UBE2R2: variants seen among roughly 807,000 people sequenced by gnomAD.
UBE2R2 encodes the protein ubiquitin-conjugating enzyme E2 R2.
A neutral mutation model predicts 27.8 loss-of-function variants in UBE2R2; 1 was observed. That is an observed-to-expected ratio of 0.04 (90% CI 0.01 to 0.17). The LOEUF is 0.17. Ranked by LOEUF, UBE2R2 falls within the 10% of genes least tolerant of loss-of-function variation. The pLI is 1.00. For synonymous variants in UBE2R2, 106 were observed against 113.3 expected (o/e 0.94, Z 0.41); for missense variants, 100 against 291.0 (o/e 0.34, Z 4.78).
chr9:33,864,747 A>AG (rs1821322359), intron 1 of UBE2R2, among the ~76,000 whole-genome samples: 1 of 146,212 alleles, frequency 6.8e-6, no homozygotes, highest in African/African-American at 2.5e-5. Context: ...TTTTTGAGAC[A>AG]GAGTTTCACT....
Position 33,917,256 on chromosome 9 carries a change from C to G in UBE2R2, c.*19C>G. Reference sequence around the variant, plus strand: ...GTCGTGACGTGCTCCTTCAGTGCCCCTGTACTGCCCTGCCATCTCAGGCCA... The same window carrying G: ...GTCGTGACGTGCTCCTTCAGTGCCCGTGTACTGCCCTGCCATCTCAGGCCA... On this transcript the variant is annotated 3_prime_UTR_variant, in exon 5 of 5. Transcript: ENST00000263228. The G allele has an allele frequency of 6.2e-7, 1 of 1,612,602 alleles. No homozygotes were observed. The highest frequency in any genetic ancestry group is 1.1e-5 in the South Asian group (1 of 91,042).
intron 1 of UBE2R2, among the ~76,000 whole-genome samples, chr9:33,843,042 CTTTTTTTTTT>C (rs71506139): frequency 1.9e-5 from 2 of 105,314 alleles, no homozygotes; most frequent in Non-Finnish European, 3.5e-5. Flanking sequence ...AAACAGACCA[CTTTTTTTTTT>C]TTTTTTTTTT....
At chr9:33,905,134 GT>G (rs1286591028) in intron 3 of UBE2R2, among the ~76,000 whole-genome samples, 1 of 152,132 alleles carries the variant, frequency 6.6e-6, no homozygotes, top group African/African-American at 2.4e-5. Flanking sequence ...AGTGGTCTTG[GT>G]GTGGATTTGC....
In UBE2R2 at chr9:33,817,679, G is replaced by A; in HGVS notation, c.-79G>A. 3 of 1,211,226 alleles carry A rather than the reference G, an allele frequency of 2.5e-6. No individual in the cohort carries two copies. The highest frequency in any genetic ancestry group is 3.1e-6 in the Non-Finnish European group (3 of 974,314). The allele number at this position is 1,211,226 out of a possible 1,614,324, so 75.0% of individuals were successfully genotyped here. ...CTGCCCGGCCGGAGGGCGAGCGGAG[G>A]GGAGGGGCCTGGTCCGGCCCGGCCG... On this transcript the variant is annotated 5_prime_UTR_variant, in exon 1 of 5. Transcript: ENST00000263228.
At chr9:33,910,194 G>GA (rs1822453143) in intron 3 of UBE2R2, among the ~76,000 whole-genome samples, 2 of 152,190 alleles carry the variant, frequency 1.3e-5, no homozygotes, top group Admixed American at 1.3e-4. Context: ...GCCCATGCTG[G>GA]AGTACAGTGG....
chr9:33,879,276 C>T (rs1460170913), intron 1 of UBE2R2, among the ~76,000 whole-genome samples: 1 of 152,066 alleles, frequency 6.6e-6, no homozygotes, highest in Non-Finnish European at 1.5e-5. Flanking sequence ...AAGTAAGGGT[C>T]GCTTAAGATA....
intron 1 of UBE2R2, among the ~76,000 whole-genome samples, chr9:33,866,506 T>C (rs1821367524): frequency 6.6e-6 from 1 of 152,246 alleles, no homozygotes; most frequent in Non-Finnish European, 1.5e-5. Flanking sequence ...CCCAAAGTAC[T>C]GGGATTACAG....
rs899891967 is a variant in UBE2R2, at chr9:33,917,420, A to C, written c.*183A>C. 15 of 784,266 alleles carry C rather than the reference A, an allele frequency of 1.9e-5. No individual in the cohort carries two copies. Among genetic ancestry groups the C allele is most frequent in the East Asian group, 1.6e-4 (6 of 37,096 alleles). The allele number at this position is 784,266 out of a possible 1,614,324, so 48.6% of individuals were successfully genotyped here. ...TCCTTTTTATGGACCTTTAATGGAG[A>C]GAGAGTAACCCTCCACAGAATGTCT... On this transcript the variant is annotated 3_prime_UTR_variant, in exon 5 of 5. Coordinates refer to ENST00000263228, the MANE Select transcript of UBE2R2 (RefSeq NM_017811.4).
intron 1 of UBE2R2, among the ~76,000 whole-genome samples, chr9:33,885,698 T>C (rs540024820): frequency 3.3e-5 from 5 of 152,242 alleles, no homozygotes; most frequent in Non-Finnish European, 5.9e-5. Flanking sequence ...CTTGATGTTC[T>C]TACTGAATGT....
chr9:33,905,951 A>G (rs1431976888), intron 3 of UBE2R2, among the ~76,000 whole-genome samples: 1 of 152,174 alleles, frequency 6.6e-6, no homozygotes, highest in Non-Finnish European at 1.5e-5. Context: ...TTCACACATC[A>G]ACTGTCATCA....
intron 1 of UBE2R2, among the ~76,000 whole-genome samples, chr9:33,833,996 T>A (rs1820555748): frequency 6.6e-6 from 1 of 152,194 alleles, no homozygotes; most frequent in Non-Finnish European, 1.5e-5. Flanking sequence ...AATGGCTGAA[T>A]AACATTCCGT....
At chr9:33,836,601 C>CA (rs1223896729) in intron 1 of UBE2R2, among the ~76,000 whole-genome samples, 2 of 151,816 alleles carry the variant, frequency 1.3e-5, no homozygotes, top group African/African-American at 2.4e-5. Context: ...ACTAAAAATA[C>CA]AAAAAATTAG....
intron 1 of UBE2R2, among the ~76,000 whole-genome samples, chr9:33,861,855 T>TTC (rs1821244900): frequency 6.8e-6 from 1 of 146,562 alleles, no homozygotes; most frequent in East Asian, 2.0e-4. Flanking sequence ...TTCTTTTTTT[T>TTC]TTTTTTTTTT....
chr9:33,827,648 A>T (rs1044424713), intron 1 of UBE2R2, among the ~76,000 whole-genome samples: 10 of 151,984 alleles, frequency 6.6e-5, no homozygotes, highest in African/African-American at 2.4e-4. Flanking sequence ...TCTAAAAAAA[A>T]AAATTAATTA....
At chr9:33,884,367 C>T (rs1489175175) in intron 1 of UBE2R2, among the ~76,000 whole-genome samples, 2 of 150,442 alleles carry the variant, frequency 1.3e-5, no homozygotes, top group Non-Finnish European at 3.0e-5. Flanking sequence ...CCACTGCAGC[C>T]CCACCTCCTG....
chr9:33,890,492 C>T (rs564235921), intron 2 of UBE2R2, among the ~76,000 whole-genome samples: 29 of 151,806 alleles, frequency 1.9e-4, no homozygotes, highest in Non-Finnish European at 2.8e-4. Flanking sequence ...GGCTTGAACC[C>T]GGGAGGCAGA....
At chr9:33,825,823 A>G (rs1820303671) in intron 1 of UBE2R2, among the ~76,000 whole-genome samples, 1 of 152,216 alleles carries the variant, frequency 6.6e-6, no homozygotes, top group Non-Finnish European at 1.5e-5. Context: ...GAACTGCTTC[A>G]CATACGACTA....
intron 1 of UBE2R2, among the ~76,000 whole-genome samples, chr9:33,857,864 T>C (rs1250671103): frequency 6.6e-6 from 1 of 152,220 alleles, no homozygotes; most frequent in African/African-American, 2.4e-5. Context: ...TTGTCCTTTT[T>C]TCCCCCTATT....
intron 1 of UBE2R2, among the ~76,000 whole-genome samples, chr9:33,854,424 A>G (rs1194680606): frequency 6.6e-6 from 1 of 151,804 alleles, no homozygotes; most frequent in Non-Finnish European, 1.5e-5. Flanking sequence ...GATTCAAGCG[A>G]TTCTCCTGCC....
Sources: gnomAD v4.1 joint callset for allele counts (sites outside exome capture counted in the v4.1 genomes callset) on GRCh38, gnomAD v4.1.1 for gene constraint, MANE v1.5 for transcripts, NCBI Gene and HGNC (gene_info 2026-07-23, HGNC 2026-07-21) for gene names.